Variants in PALS2 observed in about 807,000 individuals in gnomAD.
PALS2 encodes the protein protein associated with LIN7 2, MAGUK p55 family member, also known as protein PALS2.
In PALS2, 27 loss-of-function variants were observed where a neutral mutation model predicts 61.6. That is an observed-to-expected ratio of 0.44 (90% CI 0.32 to 0.60). The LOEUF (loss-of-function observed/expected upper bound fraction) is 0.60. PALS2 is among the 20% of genes least tolerant of loss of function. PALS2 has a pLI of 0.05. For missense variants in PALS2, 554 were observed against 639.4 expected (o/e 0.87, Z 1.44); for synonymous variants, 236 against 218.6 (o/e 1.08, Z -0.70).
At chr7:24,665,445 C>T in intron 6 of PALS2, 143 bp from the exon 7 acceptor site, 1 of 629,952 alleles carries the variant, frequency 1.6e-6, no homozygotes, top group Non-Finnish European at 2.7e-6. Flanking sequence ...AATATCTTAA[C>T]TGACAATGCT....
At chr7:24,626,822 C>G (rs190355600) in intron 2 of PALS2, among the ~76,000 whole-genome samples, 277 of 152,310 alleles carry the variant, frequency 1.8e-3, no homozygotes, top group Non-Finnish European at 3.4e-3. Context: ...GAAGAGCTAA[C>G]TATCCTAAGT....
At position 24,691,405 on chromosome 7, in the gene PALS2, G is replaced by GTGTGTGTGTGTGTATATA. The variant is rs1274329385; in HGVS notation, c.*3792_*3793insGTGTGTGTGTGTATATAT. The GTGTGTGTGTGTGTATATA allele has an allele frequency of 2.7e-5, 3 of 110,596 alleles. No homozygotes were observed. Among genetic ancestry groups the GTGTGTGTGTGTGTATATA allele is most frequent in the African/African-American group, 6.2e-5 (2 of 32,380 alleles). 6.9% of individuals were successfully genotyped at this position (110,596 alleles called of 1,614,324 possible). Reference sequence around the variant, plus strand: ...ATATTATGTATGTGTGTGTGTGTGTGTATATATATATATATATATATATAT... The same window carrying GTGTGTGTGTGTGTATATA: ...ATATTATGTATGTGTGTGTGTGTGTGTGTGTGTGTGTGTATATATATATATATATATATATATATATAT... On this transcript the variant is annotated 3_prime_UTR_variant, in exon 12 of 12. Coordinates refer to ENST00000222644, the MANE Select transcript of PALS2 (RefSeq NM_001303037.2).
chr7:24,668,378 G>A, intron 8 of PALS2, 121 bp from the exon 9 acceptor site: 1 of 847,028 alleles, frequency 1.2e-6, no homozygotes, highest in Non-Finnish European at 1.8e-6. Context: ...TATGCTAAGT[G>A]GGTACAAGTC....
rs371473967 is a variant in PALS2 at position 24,692,883 on chromosome 7, G to C, written c.*5269G>C. ...TTACCCATACCATTAATTTAAAAAG[G>C]CATCTATTTCTTTATAGAAAGAAAC... On this transcript the variant is annotated 3_prime_UTR_variant, in exon 12 of 12. Transcript: ENST00000222644. The C allele has an allele frequency of 6.6e-6, 1 of 152,062 alleles. No homozygotes were observed. The highest frequency in any genetic ancestry group is 2.4e-5 in the African/African-American group (1 of 41,420). 9.4% of individuals were successfully genotyped at this position (152,062 alleles called of 1,614,324 possible). A position where few individuals can be genotyped will look rare whatever the true frequency, so the allele number is the denominator to read the frequency against.
Position 24,649,614 on chromosome 7 carries a change from A to C in PALS2, c.273A>C (p.Ser91=). The C allele has an allele frequency of 1.3e-6, 2 of 1,588,968 alleles. No homozygotes were observed. Among genetic ancestry groups the C allele is most frequent in the South Asian group, 1.2e-5 (1 of 85,778 alleles). ...CAGGCTATTTTGACTCCTTATAGTC[A>C]CTGTTGGAGGCCCATGATATTGTGG... ...VGILKEPHFQ[S]LLEAHDIVAS... is the part of the protein sequence containing the mutation. Residue 91 remains serine (S), a splice_region_variant and synonymous_variant, in exon 4 of 12, where the codon TCA becomes TCC. Transcript: ENST00000222644.
intron 1 of PALS2, among the ~76,000 whole-genome samples, chr7:24,621,790 C>T (rs77933603): frequency 0.058 from 8,804 of 151,828 alleles, 288 homozygotes; most frequent in African/African-American, 0.076. Flanking sequence ...ATATTAAAAA[C>T]GACTTCTGTA....
At chr7:24,657,606 C>A (rs1786487908) in intron 5 of PALS2, among the ~76,000 whole-genome samples, 1 of 152,186 alleles carries the variant, frequency 6.6e-6, no homozygotes, top group Non-Finnish European at 1.5e-5. Flanking sequence ...ACAAGTGCTT[C>A]ATCAGAATTG....
In PALS2 at chr7:24,692,271, G is replaced by A. The variant is rs965111540; in HGVS notation, c.*4657G>A. 3 of 152,124 alleles carry A rather than the reference G, an allele frequency of 2.0e-5. No homozygotes were observed. The highest frequency in any genetic ancestry group is 4.4e-5 in the Non-Finnish European group (3 of 68,008). 9.4% of individuals were successfully genotyped at this position (152,124 alleles called of 1,614,324 possible). ...AGTACTTTTTAAAAAATATTCTCTAGTGATAAAAGTAAAGACAGGGTACTG... is the reference window on the plus strand; with the variant it reads ...AGTACTTTTTAAAAAATATTCTCTAATGATAAAAGTAAAGACAGGGTACTG... On this transcript the variant is annotated 3_prime_UTR_variant, in exon 12 of 12. Transcript: ENST00000222644.
intron 5 of PALS2, among the ~76,000 whole-genome samples, chr7:24,651,959 A>G (rs1443462564): frequency 6.6e-6 from 1 of 152,172 alleles, no homozygotes; most frequent in African/African-American, 2.4e-5. Flanking sequence ...ATGAAAATAG[A>G]TAGGCTTGTA....
intron 5 of PALS2, among the ~76,000 whole-genome samples, chr7:24,656,681 C>T (rs764429614): frequency 4.6e-5 from 7 of 151,940 alleles, no homozygotes; most frequent in Non-Finnish European, 8.8e-5. Context: ...CACCACCACA[C>T]CCGGCTAATA....
At position 24,606,518 on chromosome 7, in the gene PALS2, CAGAA is replaced by C. The variant is rs1783904975; in HGVS notation, c.-2-17144_-2-17141del. On this transcript the variant is annotated intron_variant, in intron 1 of 11. Coordinates refer to ENST00000222644, the MANE Select transcript of PALS2 (RefSeq NM_001303037.2). ...TTCACTGACACTTTGAAAAATTAGT[CAGAA>C]AGAGATGGTTGATGAGTTGCAGAAT... Among the ~76,000 whole-genome samples, 6 of 140,566 alleles carry C rather than the reference CAGAA, an allele frequency of 4.3e-5. No individual in the cohort carries two copies. The South Asian group carries it at 1.3e-3, about 31-fold the overall frequency. 92.2% of individuals were successfully genotyped at this position (140,566 alleles called of 152,430 possible). A position where few individuals can be genotyped will look rare whatever the true frequency, so the allele number is the denominator to read the frequency against.
In PALS2 at chr7:24,665,655, A is replaced by G. The variant is rs1340903127; in HGVS notation, c.851A>G (p.Lys284Arg). Residue 284 changes from lysine to arginine, a missense_variant, in exon 7 of 12, where the codon AAG (lysine) becomes AGG (arginine). By Grantham distance (26) the Lys-to-Arg change is conservative (BLOSUM62 2). Transcript: ENST00000222644. ...AGCCAGTTCCTGGAAGAGAAGAGAA[A>G]GGCATTTGTTAGAAGAGACTGGGAC... The part of the protein sequence containing the change: ...IPSQFLEEKR[K>R]AFVRRDWDNS... 6.2e-7 allele frequency: 1 copy of G among 1,613,672 alleles called. No individual in the cohort carries two copies. The highest frequency in any genetic ancestry group is 8.5e-7 in the Non-Finnish European group (1 of 1,179,724).
At chr7:24,637,604 T>C (rs550238345) in intron 2 of PALS2, among the ~76,000 whole-genome samples, 1 of 152,330 alleles carries the variant, frequency 6.6e-6, no homozygotes, top group South Asian at 2.1e-4. Context: ...ATTTATGATA[T>C]GGTCCTTGTG....
intron 1 of PALS2, among the ~76,000 whole-genome samples, chr7:24,591,039 A>C (rs79806331): frequency 0.068 from 10,139 of 149,820 alleles, 403 homozygotes; most frequent in African/African-American, 0.11. Flanking sequence ...TTTTTGTCTC[A>C]CCTCCCCTCC....
intron 3 of PALS2, among the ~76,000 whole-genome samples, chr7:24,642,781 G>A (rs1583930455): frequency 1.3e-5 from 2 of 152,210 alleles, no homozygotes. Context: ...AAGAAATATG[G>A]ACACATATCT....
chr7:24,597,671 G>A (rs763858969), intron 1 of PALS2, among the ~76,000 whole-genome samples: 22 of 152,294 alleles, frequency 1.4e-4, no homozygotes, highest in Non-Finnish European at 2.6e-4. Context: ...TTGATTCATT[G>A]ACAGGTAGTA....
At chr7:24,640,737 G>GCC (rs367801658) in intron 2 of PALS2, among the ~76,000 whole-genome samples, 4 of 151,518 alleles carry the variant, frequency 2.6e-5, no homozygotes, top group Non-Finnish European at 4.4e-5. Flanking sequence ...GGCCGAGGGC[G>GCC]GTGGCTCATG....
chr7:24,609,721 C>T (rs1379278227), intron 1 of PALS2, among the ~76,000 whole-genome samples: 1 of 151,880 alleles, frequency 6.6e-6, no homozygotes, highest in Non-Finnish European at 1.5e-5. Context: ...TTTCAGGCTC[C>T]CACATCCCCA....
intron 3 of PALS2, among the ~76,000 whole-genome samples, chr7:24,644,836 A>G (rs1785748507): frequency 6.6e-6 from 1 of 152,002 alleles, no homozygotes; most frequent in East Asian, 1.9e-4. Flanking sequence ...AATAATAGCC[A>G]TTCTGACTGG....
Sources: allele counts gnomAD v4.1 joint callset (sites outside exome capture counted in the v4.1 genomes callset), GRCh38; gene constraint gnomAD v4.1.1; transcripts MANE v1.5; gene names NCBI Gene and HGNC (gene_info 2026-07-23, HGNC 2026-07-21).